PCDHA13: variants seen among roughly 807,000 people sequenced by gnomAD.
The protein encoded by PCDHA13 is protocadherin alpha 13, also known as protocadherin alpha-13.
A neutral mutation model predicts 64.8 loss-of-function variants in PCDHA13; 54 were observed. That is an observed-to-expected ratio of 0.83 (90% confidence interval 0.67 to 1.04). PCDHA13 has a LOEUF of 1.04. PCDHA13 is among the 50% of genes least tolerant of loss of function. The pLI is 0.00. For synonymous variants in PCDHA13, 587 were observed against 564.4 expected (o/e 1.04, Z -0.57); for missense variants, 1,248 against 1,254.3 (o/e 0.99, Z 0.08).
At chr5:140,887,348 G>C (rs997332881) in intron 1 of PCDHA13, among the ~76,000 whole-genome samples, 1 of 151,978 alleles carries the variant, frequency 6.6e-6, no homozygotes, top group Non-Finnish European at 1.5e-5. Flanking sequence ...CACCTGGCTC[G>C]GCCTCCCAAA....
At chr5:140,928,914 A>C in intron 1 of PCDHA13, 2 of 1,614,136 alleles carry the variant, frequency 1.2e-6, no homozygotes, top group Non-Finnish European at 1.7e-6. Flanking sequence ...GGGAACCAGG[A>C]GGGCAGCTTT....
In PCDHA13 at chr5:140,884,578, G is replaced by A. The variant is rs1554181757; in HGVS notation, c.2310G>A (p.Met770Ile). 6 of 1,614,104 alleles carry A rather than the reference G, an allele frequency of 3.7e-6. No homozygotes were observed. In the South Asian group the frequency reaches 4.4e-5, roughly 12 times the overall value. The change falls in exon 1 of 4, where the codon ATG becomes ATA. Residue 770 changes from methionine to isoleucine, a missense_variant. Transcript: ENST00000289272. ...AGGGCCCGCATAAGACGGACCTCAT[G>A]GCCTTCAGTCCCAGCCTTCCTCCTT... ...SGEGPHKTDL[M>I]AFSPSLPPCL...
intron 1 of PCDHA13, among the ~76,000 whole-genome samples, chr5:140,924,232 G>T (rs1554201826): frequency 6.6e-6 from 1 of 152,180 alleles, no homozygotes; most frequent in African/African-American, 2.4e-5. Flanking sequence ...ATTTTTATGG[G>T]CTGTTTTGCA....
At chr5:140,941,099 TATTACTGG>T (rs1174229664) in intron 1 of PCDHA13, among the ~76,000 whole-genome samples, 5 of 152,146 alleles carry the variant, frequency 3.3e-5, no homozygotes, top group Non-Finnish European at 1.5e-5. Context: ...TTTCACATAC[TATTACTGG>T]AAAGATTAGT....
intron 3 of PCDHA13, among the ~76,000 whole-genome samples, chr5:140,999,693 A>AT (rs202183337): frequency 0.011 from 1,632 of 151,520 alleles, 13 homozygotes; most frequent in Middle Eastern, 0.058. Flanking sequence ...AAGAAATGTG[A>AT]TTTTTTTTTA....
At chr5:140,967,547 A>T in intron 1 of PCDHA13, 1 of 1,613,890 alleles carries the variant, frequency 6.2e-7, no homozygotes, top group Non-Finnish European at 8.5e-7. Flanking sequence ...TGACCAGTCC[A>T]CTTATCGCGT....
At chr5:140,968,253 C>A (rs782229675) in intron 1 of PCDHA13, 3 of 1,613,908 alleles carry the variant, frequency 1.9e-6, no homozygotes, top group Non-Finnish European at 2.5e-6. Flanking sequence ...GCCACAGACC[C>A]AGATGAAAAG....
In PCDHA13 at chr5:140,927,203, C is replaced by T. The variant is rs782141467; in HGVS notation, c.2394+42541C>T. ...ACCTACGACCTGGTGCTCGAGGACC[C>T]GCTGGAGCTGCACAAGATTCGGATT... On this transcript the variant is annotated intron_variant, in intron 1 of 3. Transcript: ENST00000289272. 65 of 1,614,104 alleles carry T rather than the reference C, an allele frequency of 4.0e-5. No homozygotes were observed. Among genetic ancestry groups the T allele is most frequent in the Non-Finnish European group, 5.1e-5 (60 of 1,180,040 alleles).
At chr5:141,008,440 A>T (rs545076432) in intron 3 of PCDHA13, among the ~76,000 whole-genome samples, 196 of 152,294 alleles carry the variant, frequency 1.3e-3, no homozygotes, top group South Asian at 8.7e-3. Flanking sequence ...GCCCAGACAG[A>T]CCATTACCCT....
chr5:141,010,052 A>G lies in PCDHA13; in HGVS notation c.*115A>G. The stretch of plus-strand genomic sequence containing the variant: ...CTACATGAGCCCTCTTAGAGACCTC[A>G]GAAATCTGCAGAAAGTTCCCTGTGT... On this transcript the variant is annotated 3_prime_UTR_variant, in exon 4 of 4. Coordinates refer to ENST00000289272, the MANE Select transcript of PCDHA13 (RefSeq NM_018904.3). The G allele has an allele frequency of 1.3e-6, 2 of 1,598,970 alleles. No homozygotes were observed. Among genetic ancestry groups the G allele is most frequent in the Non-Finnish European group, 1.7e-6 (2 of 1,172,814 alleles).
chr5:140,989,889 C>T (rs1220430844), intron 3 of PCDHA13, among the ~76,000 whole-genome samples: 3 of 151,522 alleles, frequency 2.0e-5, no homozygotes, highest in Admixed American at 6.6e-5. Flanking sequence ...TTGGAGTCTC[C>T]GTTATTCACA....
At chr5:140,943,729 A>C (rs1215938127) in intron 1 of PCDHA13, among the ~76,000 whole-genome samples, 2 of 152,256 alleles carry the variant, frequency 1.3e-5, no homozygotes, top group Non-Finnish European at 2.9e-5. Context: ...TGAGAGAATG[A>C]AAGTCCACAG....
chr5:140,996,301 AC>A (rs1306218777), intron 3 of PCDHA13, among the ~76,000 whole-genome samples: 1 of 152,240 alleles, frequency 6.6e-6, no homozygotes, highest in African/African-American at 2.4e-5. Context: ...ACAGATTGTA[AC>A]AAAGTAAGGG....
intron 1 of PCDHA13, among the ~76,000 whole-genome samples, chr5:140,922,677 G>C (rs545719033): frequency 6.6e-6 from 1 of 152,306 alleles, no homozygotes; most frequent in Admixed American, 6.5e-5. Flanking sequence ...CAGTAAAAAA[G>C]TGAACAGGCT....
intron 1 of PCDHA13, among the ~76,000 whole-genome samples, chr5:140,961,917 T>G (rs2095643057): frequency 6.6e-6 from 1 of 151,470 alleles, no homozygotes; most frequent in Non-Finnish European, 1.5e-5. Flanking sequence ...GGAGTCTCGC[T>G]CTGTTGCCCA....
At chr5:140,987,223 A>C (rs1269747690) in intron 3 of PCDHA13, among the ~76,000 whole-genome samples, 1 of 151,456 alleles carries the variant, frequency 6.6e-6, no homozygotes, top group African/African-American at 2.4e-5. Flanking sequence ...CAAAAAAAAA[A>C]AAAATAATAA....
chr5:140,988,827 G>A (rs1554250450), intron 3 of PCDHA13: 1 of 152,132 alleles, frequency 6.6e-6, no homozygotes, highest in African/African-American at 2.4e-5. Flanking sequence ...CCCAAACAGA[G>A]ATCACGTGTC....
intron 1 of PCDHA13, among the ~76,000 whole-genome samples, chr5:140,945,624 C>T (rs1248945489): frequency 6.6e-6 from 1 of 152,028 alleles, no homozygotes; most frequent in African/African-American, 2.4e-5. Flanking sequence ...ATGGTACTGG[C>T]ATAAAAGACA....
At chr5:140,993,406 T>C (rs1382987714) in intron 3 of PCDHA13, among the ~76,000 whole-genome samples, 2 of 150,998 alleles carry the variant, frequency 1.3e-5, no homozygotes, top group South Asian at 4.2e-4. Flanking sequence ...TTAACCACCT[T>C]CATCAGCATT....
Sources: gnomAD v4.1 joint callset for allele counts (sites outside exome capture counted in the v4.1 genomes callset) on GRCh38, gnomAD v4.1.1 for gene constraint, MANE v1.5 for transcripts, NCBI Gene and HGNC (gene_info 2026-07-23, HGNC 2026-07-21) for gene names.